The following CCDC126 variants were observed in gnomAD, a reference collection of about 807,000 sequenced individuals.
CCDC126 encodes coiled-coil domain-containing protein 126.
CCDC126 carries 5 observed loss-of-function variants against 11.7 expected under a neutral mutation model. The observed-to-expected ratio is 0.43, with a 90% CI of 0.22 to 0.90. The LOEUF (loss-of-function observed/expected upper bound fraction) is 0.90, where lower values mean the gene tolerates loss of function less well. CCDC126 is among the 40% of genes least tolerant of loss of function. CCDC126 has a pLI of 0.27. For synonymous variants in CCDC126, 60 were observed against 61.9 expected, an observed-to-expected ratio of 0.97 and a Z score of 0.14; for missense variants, 150 against 163.1, an observed-to-expected ratio of 0.92 and a Z score of 0.44.
At chr7:23,609,551 A>G (rs1782672183) in intron 2 of CCDC126, among the ~76,000 whole-genome samples, 1 of 152,186 alleles carries the variant, frequency 6.6e-6, no homozygotes, top group Non-Finnish European at 1.5e-5. Context: ...TGGGAAAGGT[A>G]AACTAAAAAC....
intron 3 of CCDC126, among the ~76,000 whole-genome samples, chr7:23,614,505 A>G (rs1782764441): frequency 6.6e-6 from 1 of 152,168 alleles, no homozygotes; most frequent in Non-Finnish European, 1.5e-5. Context: ...ATAAATGTTG[A>G]CATTTTTACC....
chr7:23,607,262 A>G (rs368628686), intron 2 of CCDC126, among the ~76,000 whole-genome samples: 5 of 152,358 alleles, frequency 3.3e-5, no homozygotes, highest in African/African-American at 9.6e-5. Context: ...TACTCCAATA[A>G]GAACTATGCC....
chr7:23,599,345 G>C (rs1290984922), intron 2 of CCDC126, among the ~76,000 whole-genome samples: 1 of 152,142 alleles, frequency 6.6e-6, no homozygotes, highest in Non-Finnish European at 1.5e-5. Context: ...GGGCCTCTTT[G>C]TTTGAGGCCA....
intron 3 of CCDC126, 52 bp from the exon 4 acceptor site, chr7:23,642,879 C>A: frequency 6.6e-7 from 1 of 1,505,604 alleles, no homozygotes; most frequent in Non-Finnish European, 9.1e-7. Flanking sequence ...TGTAAAAACA[C>A]AAAAATGAAG....
intron 3 of CCDC126, among the ~76,000 whole-genome samples, chr7:23,623,268 C>G (rs1782955233): frequency 1.3e-5 from 2 of 151,764 alleles, no homozygotes; most frequent in African/African-American, 2.4e-5. Context: ...GGCCTGCTCA[C>G]TTTTTGATGC....
intron 2 of CCDC126, among the ~76,000 whole-genome samples, chr7:23,599,145 GCA>G (rs1254195205): frequency 6.6e-6 from 1 of 152,180 alleles, no homozygotes; most frequent in Non-Finnish European, 1.5e-5. Context: ...CTCATGAGCT[GCA>G]CAGTTTCTCT....
At chr7:23,638,727 T>TAAAAAAAAAAAAAAAAAAAAAAAA (rs70954398) in intron 3 of CCDC126, among the ~76,000 whole-genome samples, 1 of 89,670 alleles carries the variant, frequency 1.1e-5, no homozygotes, top group Non-Finnish European at 2.2e-5. Flanking sequence ...AAAAAAAAAT[T>TAAAAAAAAAAAAAAAAAAAAAAAA]AAAAAAAAAA....
Position 23,611,655 on chromosome 7 carries a change from T to C in CCDC126, c.238+102T>C, listed in dbSNP as rs968701388. The C allele has an allele frequency of 1.3e-5, 10 of 770,964 alleles. No homozygotes were observed. In the Admixed American group the frequency reaches 2.5e-4, roughly 19 times the overall value. The allele number at this position is 770,964 out of a possible 1,614,324, so 47.8% of individuals were successfully genotyped here. On this transcript the variant is annotated intron_variant, in intron 3 of 3. Transcript: ENST00000307471. ...TCATGCATAGGTCTTTGCAAAGTAA[T>C]TTTTTCTTGACTTTTTATTATGAAA... is the stretch of plus-strand genomic sequence containing the variant.
chr7:23,617,240 C>T lies in CCDC126; in HGVS notation c.238+5687C>T, dbSNP rs181469460. ...GCACACACCTGTAATCCTAGCTACT[C>T]GGGAGGCTGAGGCAGGAGAATCACT... is the stretch of plus-strand genomic sequence containing the variant. On this transcript the variant is annotated intron_variant, in intron 3 of 3. Coordinates refer to ENST00000307471, the MANE Select transcript of CCDC126 (RefSeq NM_138771.4). Among the ~76,000 whole-genome samples the T allele has an allele frequency of 2.1e-3, 310 of 148,272 alleles. 1 individual carries two copies. The highest frequency in any genetic ancestry group is 3.7e-3 in the Non-Finnish European group (248 of 67,456).
At chr7:23,641,170 C>G (rs997063263) in intron 3 of CCDC126, among the ~76,000 whole-genome samples, 2 of 152,034 alleles carry the variant, frequency 1.3e-5, no homozygotes, top group Non-Finnish European at 2.9e-5. Context: ...CTTGCCAACA[C>G]TTATTTTCCA....
intron 3 of CCDC126, among the ~76,000 whole-genome samples, chr7:23,638,276 C>G (rs1438021757): frequency 6.6e-6 from 1 of 150,764 alleles, no homozygotes; most frequent in Non-Finnish European, 1.5e-5. Context: ...AATAGAAAGG[C>G]GGGAAGGGTG....
chr7:23,636,469 C>T (rs1462704132), intron 3 of CCDC126, among the ~76,000 whole-genome samples: 2 of 148,856 alleles, frequency 1.3e-5, no homozygotes, highest in Non-Finnish European at 3.0e-5. Context: ...CGTCTCTGCC[C>T]GGCCGCCCAT....
At chr7:23,609,531 AG>A (rs1204684917) in intron 2 of CCDC126, among the ~76,000 whole-genome samples, 1 of 151,976 alleles carries the variant, frequency 6.6e-6, no homozygotes. Flanking sequence ...CCCAGACAGG[AG>A]GGGGGTTTTG....
At chr7:23,628,465 A>G (rs887184850) in intron 3 of CCDC126, among the ~76,000 whole-genome samples, 5 of 152,246 alleles carry the variant, frequency 3.3e-5, no homozygotes, top group Non-Finnish European at 2.9e-5. Context: ...CTTGTAGTCA[A>G]TAACAGCTCT....
chr7:23,606,656 C>T (rs1039095723), intron 2 of CCDC126, among the ~76,000 whole-genome samples: 1 of 152,066 alleles, frequency 6.6e-6, no homozygotes. Context: ...ACTTTTGTGC[C>T]ATATAGACTA....
At chr7:23,636,091 C>G (rs1269313336) in intron 3 of CCDC126, among the ~76,000 whole-genome samples, 1 of 152,088 alleles carries the variant, frequency 6.6e-6, no homozygotes, top group South Asian at 2.1e-4. Context: ...GTCTCCAGCT[C>G]CTAACCGCGA....
At chr7:23,618,562 T>A (rs1479233126) in intron 3 of CCDC126, among the ~76,000 whole-genome samples, 8 of 66,174 alleles carry the variant, frequency 1.2e-4, no homozygotes, top group East Asian at 2.9e-4. Context: ...TTTTTTTTTT[T>A]AAATTTGAGA....
rs112485044 is a variant in CCDC126, at chr7:23,616,811, A to G, written c.238+5258A>G. 1.7e-4 allele frequency among the ~76,000 whole-genome samples: 26 copies of G among 152,184 alleles called. 2 individuals carry two copies. Among genetic ancestry groups the G allele is most frequent in the African/African-American group, 4.3e-4 (18 of 41,508 alleles). ...TGGGCCCTCAGTGGGACATCCTGCA[A>G]TTTATGTCATTCAATTCTGGGATAT... On this transcript the variant is annotated intron_variant, in intron 3 of 3. Coordinates refer to ENST00000307471, the MANE Select transcript of CCDC126 (RefSeq NM_138771.4).
chr7:23,611,194 T>A lies in CCDC126; in HGVS notation c.-122T>A. 1 of 668,672 alleles carries A rather than the reference T, an allele frequency of 1.5e-6. No homozygotes were observed. Among genetic ancestry groups the A allele is most frequent in the Non-Finnish European group, 2.6e-6 (1 of 378,696 alleles). The allele number at this position is 668,672 out of a possible 1,614,324, so 41.4% of individuals were successfully genotyped here. ...AGAGTTAATAGAGTGGATACAACCTTGCTGAAGATGAAGAATATACAATAT... is the reference window on the plus strand; with the variant it reads ...AGAGTTAATAGAGTGGATACAACCTAGCTGAAGATGAAGAATATACAATAT... On this transcript the variant is annotated 5_prime_UTR_variant, in exon 3 of 4. Transcript: ENST00000307471.
Sources: gnomAD v4.1 joint callset for allele counts (sites outside exome capture counted in the v4.1 genomes callset) on GRCh38, gnomAD v4.1.1 for gene constraint, MANE v1.5 for transcripts, NCBI Gene and HGNC (gene_info 2026-07-23, HGNC 2026-07-21) for gene names.